Variants in MYO5B observed in about 807,000 individuals in gnomAD.
The protein encoded by MYO5B is myosin VB, also known as unconventional myosin-Vb.
In MYO5B, 143 loss-of-function variants were observed where a neutral mutation model predicts 229.3. The observed-to-expected ratio is 0.62, with a 90% CI of 0.54 to 0.72. The LOEUF (loss-of-function observed/expected upper bound fraction) is 0.72, where lower values mean the gene tolerates loss of function less well. MYO5B is among the 30% of genes least tolerant of loss of function. The pLI, the probability that MYO5B is intolerant of heterozygous loss-of-function variation, is 0.00. For missense variants in MYO5B, 2,321 were observed against 2,331.0 expected (o/e 1.00, Z 0.09); for synonymous variants, 918 against 885.2 (o/e 1.04, Z -0.66).
At chr18:50,077,034 G>A (rs973920532) in intron 1 of MYO5B, among the ~76,000 whole-genome samples, 4 of 151,776 alleles carry the variant, frequency 2.6e-5, no homozygotes, top group African/African-American at 7.2e-5. Context: ...GATGTCATCA[G>A]TCTTTACATG....
intron 15 of MYO5B, 93 bp downstream of exon 15, chr18:49,937,152 T>G: frequency 6.7e-7 from 1 of 1,490,712 alleles, no homozygotes; most frequent in African/African-American, 1.4e-5. Context: ...GCTGCTGTGA[T>G]GGCTTCCCTC....
intron 27 of MYO5B, among the ~76,000 whole-genome samples, chr18:49,870,951 C>G (rs1390718141): frequency 1.3e-5 from 2 of 151,996 alleles, no homozygotes; most frequent in African/African-American, 2.4e-5. Flanking sequence ...GGGTATATAC[C>G]TAAAAGAACT....
At chr18:50,055,240 C>A in intron 2 of MYO5B, 28 bp downstream of exon 2, 2 of 861,192 alleles carry the variant, frequency 2.3e-6, no homozygotes, top group Non-Finnish European at 3.9e-6. Context: ...ACCTCACCCC[C>A]GCCCCCCTGC....
chr18:50,167,197 G>A (rs1358147110), intron 1 of MYO5B, among the ~76,000 whole-genome samples: 27 of 152,218 alleles, frequency 1.8e-4, no homozygotes, highest in Admixed American at 1.8e-3. Context: ...GCTGTATATT[G>A]CAGAAGGCTC....
chr18:49,861,677 C>A (rs1164599429), intron 29 of MYO5B, among the ~76,000 whole-genome samples: 1 of 148,204 alleles, frequency 6.7e-6, no homozygotes, highest in African/African-American at 2.4e-5. Context: ...CTGCCCCAGC[C>A]TGAGTCAGGC....
intron 2 of MYO5B, among the ~76,000 whole-genome samples, chr18:50,048,248 C>T (rs564869115): frequency 6.6e-6 from 1 of 152,268 alleles, no homozygotes; most frequent in South Asian, 2.1e-4. Flanking sequence ...CTTATTCTTC[C>T]TCTTGCACCA....
chr18:49,974,386 T>C lies in MYO5B; in HGVS notation c.1286A>G (p.Lys429Arg). The C allele has an allele frequency of 1.2e-6, 2 of 1,614,158 alleles. No homozygotes were observed. Among genetic ancestry groups the C allele is most frequent in the Non-Finnish European group, 1.7e-6 (2 of 1,180,010 alleles). ...HINKALHTSL[K>R]QHSFIGVLDI... is the part of the protein sequence containing the mutation. Reference sequence around the variant, plus strand: ...CAGGACCCCGATGAAGGAGTGCTGCTTGAGGGAGGTGTGCAGGGCCTTGTT... The same window carrying C: ...CAGGACCCCGATGAAGGAGTGCTGCCTGAGGGAGGTGTGCAGGGCCTTGTT... Residue 429 changes from lysine (K) to arginine (R), a missense_variant, in exon 10 of 40, where the codon AAG becomes AGG. Around this residue, in one of 2 missense-constraint regions of MYO5B, gnomAD observed 2,113 missense variants for 2,044.7 expected, o/e 1.03. Transcript: ENST00000285039.
chr18:50,183,647 A>G (rs923244998), intron 1 of MYO5B, among the ~76,000 whole-genome samples: 3 of 146,798 alleles, frequency 2.0e-5, no homozygotes, highest in African/African-American at 7.6e-5. Context: ...GAAATACCCA[A>G]TTTTAAGCTC....
chr18:50,123,196 T>C (rs983691340), intron 1 of MYO5B, among the ~76,000 whole-genome samples: 2 of 152,196 alleles, frequency 1.3e-5, no homozygotes, highest in African/African-American at 4.8e-5. Context: ...AAAAGTCACA[T>C]ATTATATGAT....
intron 8 of MYO5B, among the ~76,000 whole-genome samples, chr18:49,981,238 G>A (rs16951354): frequency 0.033 from 5,090 of 152,328 alleles, 235 homozygotes; most frequent in African/African-American, 0.11. Context: ...AGGCATTGGC[G>A]TTTTTACAGA....
chr18:50,080,725 C>G (rs778062143), intron 1 of MYO5B, among the ~76,000 whole-genome samples: 1 of 152,150 alleles, frequency 6.6e-6, no homozygotes, highest in Non-Finnish European at 1.5e-5. Flanking sequence ...TTGCTATGTA[C>G]GAAGGATGGT....
rs1218388683 is a variant in MYO5B at position 49,839,262 on chromosome 18, A to G, written c.4734T>C (p.Asn1578=). The G allele has an allele frequency of 1.9e-6, 3 of 1,614,054 alleles. No individual in the cohort carries two copies. Among genetic ancestry groups the G allele is most frequent in the African/African-American group, 2.7e-5 (2 of 74,944 alleles). ...GFMTQNTAKQ[N]EHCLKNFDLT... ...GGTCAAAATTCTTAAGACAGTGTTC[A>G]TTCTGCTTTGCAGTGTTCTGAGTCA... The change falls in exon 36 of 40, where the codon AAT becomes AAC. Residue 1578 remains asparagine, a synonymous_variant. Coordinates refer to ENST00000285039, the MANE Select transcript of MYO5B (RefSeq NM_001080467.3).
intron 10 of MYO5B, among the ~76,000 whole-genome samples, chr18:49,964,364 A>AT (rs11331519): frequency 6.6e-6 from 1 of 151,768 alleles, no homozygotes; most frequent in African/African-American, 2.4e-5. Flanking sequence ...TTTTTCTTAA[A>AT]TTTTTTTTTC....
chr18:50,171,598 T>TA lies in MYO5B; in HGVS notation c.27+23168dup, dbSNP rs1211094226. 3.9e-5 allele frequency among the ~76,000 whole-genome samples: 5 copies of TA among 128,206 alleles called. 1 individual carries two copies. Among genetic ancestry groups the TA allele is most frequent in the Non-Finnish European group, 8.3e-5 (5 of 59,950 alleles). The allele number at this position is 128,206 out of a possible 152,430, so 84.1% of individuals were successfully genotyped here. ...AGATGATCAGTTACTATGCTCTGGA[T>TA]ATAAGGGAGGCTTCAACCTGGCTTG... is the stretch of plus-strand genomic sequence containing the variant. On this transcript the variant is annotated intron_variant, in intron 1 of 39. Coordinates refer to ENST00000285039, the MANE Select transcript of MYO5B (RefSeq NM_001080467.3).
At chr18:49,921,734 G>A (rs1184132363) in intron 17 of MYO5B, among the ~76,000 whole-genome samples, 1 of 152,100 alleles carries the variant, frequency 6.6e-6, no homozygotes, top group Non-Finnish European at 1.5e-5. Flanking sequence ...CTCTTCCAGG[G>A]CATCGGTAGG....
chr18:50,042,310 A>T (rs1478943167), intron 2 of MYO5B, among the ~76,000 whole-genome samples: 1 of 152,240 alleles, frequency 6.6e-6, no homozygotes, highest in Non-Finnish European at 1.5e-5. Context: ...TTAAAAAAAA[A>T]AGTATCCTAT....
intron 1 of MYO5B, among the ~76,000 whole-genome samples, chr18:50,163,925 A>G (rs1461806519): frequency 6.6e-6 from 1 of 152,252 alleles, no homozygotes; most frequent in Non-Finnish European, 1.5e-5. Context: ...CCATGTCTAA[A>G]TCCTAATAAA....
rs570691315 is a variant in MYO5B, at chr18:49,851,174, G to C, written c.4222-1514C>G. On this transcript the variant is annotated intron_variant, in intron 31 of 39. Transcript: ENST00000285039. Reference sequence around the variant, plus strand: ...AAGAAGGAAAGATTAATCCAGGCCAGGCTTTGACGCCTGTCTTTGAGAGCT... The same window carrying C: ...AAGAAGGAAAGATTAATCCAGGCCACGCTTTGACGCCTGTCTTTGAGAGCT... 2.0e-5 allele frequency: 3 copies of C among 152,294 alleles called. No homozygotes were observed. In the East Asian group the frequency reaches 5.8e-4, roughly 29 times the overall value. The allele number at this position is 152,294 out of a possible 1,614,324, so 9.4% of individuals were successfully genotyped here. A position where few individuals can be genotyped will look rare whatever the true frequency, so the allele number is the denominator to read the frequency against.
In MYO5B at chr18:49,826,205, T is replaced by C; in HGVS notation, c.*266A>G. 2 of 456,576 alleles carry C rather than the reference T, an allele frequency of 4.4e-6. No individual in the cohort carries two copies. The highest frequency in any genetic ancestry group is 2.1e-5 in the South Asian group (1 of 47,676). The allele number at this position is 456,576 out of a possible 1,614,324, so 28.3% of individuals were successfully genotyped here. ...CCTTTTATATGTCTATGGGGACTGCTTGGTGTCTATAAATTATGTATATGT... is the reference window on the plus strand; with the variant it reads ...CCTTTTATATGTCTATGGGGACTGCCTGGTGTCTATAAATTATGTATATGT... On this transcript the variant is annotated 3_prime_UTR_variant, in exon 40 of 40. Transcript: ENST00000285039.
Sources: gnomAD v4.1 joint callset for allele counts (sites outside exome capture counted in the v4.1 genomes callset) on GRCh38, gnomAD v4.1.1 for gene constraint, gnomAD v4.1.1 regional missense constraint, MANE v1.5 for transcripts, NCBI Gene and HGNC (gene_info 2026-07-23, HGNC 2026-07-21) for gene names.